Variants in FBXO22 observed in about 807,000 individuals in gnomAD.
The protein encoded by FBXO22 is F-box protein 22.
FBXO22 carries 13 observed loss-of-function variants against 37.2 expected under a neutral mutation model. That is an observed-to-expected ratio of 0.35 (90% confidence interval 0.23 to 0.56). The LOEUF is 0.56. Among genes scored for constraint, FBXO22 ranks in the 20% least tolerant of loss-of-function variants. The pLI, the probability that FBXO22 is intolerant of heterozygous loss-of-function variation, is 0.87. For missense variants in FBXO22, 446 were observed against 509.9 expected (o/e 0.87, Z 1.21); for synonymous variants, 189 against 189.1 (o/e 1.00, Z 0.00).
At chr15:75,921,789 G>T (rs1316580989) in intron 5 of FBXO22, among the ~76,000 whole-genome samples, 4 of 148,460 alleles carry the variant, frequency 2.7e-5, no homozygotes, top group Non-Finnish European at 4.5e-5. Flanking sequence ...TAAGCTTTTT[G>T]TTAAAAACTA....
At chr15:75,904,424 T>C (rs949616776) in intron 1 of FBXO22, 67 bp from the exon 2 acceptor site, 1 of 1,604,858 alleles carries the variant, frequency 6.2e-7, no homozygotes, top group Non-Finnish European at 8.5e-7. Context: ...CGGGTGGGGG[T>C]TTGTGAGCTG....
intron 6 of FBXO22, chr15:75,930,267 C>T: frequency 2.1e-6 from 3 of 1,414,728 alleles, no homozygotes; most frequent in Non-Finnish European, 2.8e-6. Flanking sequence ...TCAAGAACTT[C>T]CTTGAGTCAC....
chr15:75,934,431 T>TAC lies in FBXO22; in HGVS notation c.*1329_*1330insAC. The stretch of plus-strand genomic sequence containing the variant: ...CAGTATGATGTAACTAATGTTACTT[T>TAC]TGTAACAGTCAGTGGTTTGTTCTAA... On this transcript the variant is annotated 3_prime_UTR_variant, in exon 7 of 7. Coordinates refer to ENST00000308275, the MANE Select transcript of FBXO22 (RefSeq NM_147188.3). 1 of 152,260 alleles carries TAC rather than the reference T, an allele frequency of 6.6e-6. No individual in the cohort carries two copies. The highest frequency in any genetic ancestry group is 2.4e-5 in the African/African-American group (1 of 41,472). 9.4% of individuals were successfully genotyped at this position (152,260 alleles called of 1,614,324 possible).
rs758176962 is a variant in FBXO22, at chr15:75,933,398, T to C, written c.*296T>C. On this transcript the variant is annotated 3_prime_UTR_variant, in exon 7 of 7. Transcript: ENST00000308275. Reference sequence around the variant, plus strand: ...GTAACATGACCTTAAATAGTCTTCCTGCATAGGAAGAGCAAAAGGGTATTC... The same window carrying C: ...GTAACATGACCTTAAATAGTCTTCCCGCATAGGAAGAGCAAAAGGGTATTC... 2.9e-5 allele frequency: 9 copies of C among 312,756 alleles called. No homozygotes were observed. The highest frequency in any genetic ancestry group is 9.7e-5 in the Admixed American group (2 of 20,670). 19.4% of individuals were successfully genotyped at this position (312,756 alleles called of 1,614,324 possible).
intron 4 of FBXO22, among the ~76,000 whole-genome samples, 155 bp from the exon 5 acceptor site, chr15:75,917,075 G>A (rs1344365198): frequency 6.6e-6 from 1 of 152,048 alleles, no homozygotes; most frequent in Non-Finnish European, 1.5e-5. Flanking sequence ...AAGTTAAATG[G>A]CAAACATCAT....
rs367802766 is a variant in FBXO22 at position 75,933,313 on chromosome 15, T to C, written c.*211T>C. 2.0e-6 allele frequency: 1 copy of C among 511,756 alleles called. No individual in the cohort carries two copies. Among genetic ancestry groups the C allele is most frequent in the Non-Finnish European group, 3.4e-6 (1 of 290,454 alleles). The allele number at this position is 511,756 out of a possible 1,614,324, so 31.7% of individuals were successfully genotyped here. On this transcript the variant is annotated 3_prime_UTR_variant, in exon 7 of 7. Transcript: ENST00000308275. ...AACACTGACTAGGAGTTGAGAGCTT[T>C]TGCATCAGGCAGAAGCAAACTGATT... is the stretch of plus-strand genomic sequence containing the variant.
intron 2 of FBXO22, among the ~76,000 whole-genome samples, chr15:75,910,633 A>T (rs1189867533): frequency 6.6e-6 from 1 of 151,968 alleles, no homozygotes; most frequent in South Asian, 2.1e-4. Flanking sequence ...CTTCAAATTT[A>T]TTTAAGTTCC....
At chr15:75,918,851 G>C (rs973122920) in intron 5 of FBXO22, among the ~76,000 whole-genome samples, 3 of 152,192 alleles carry the variant, frequency 2.0e-5, no homozygotes, top group Non-Finnish European at 4.4e-5. Flanking sequence ...GTGGTTGGGA[G>C]GGGCTTTGGG....
chr15:75,909,146 A>G (rs184509585), intron 2 of FBXO22, among the ~76,000 whole-genome samples: 25 of 152,334 alleles, frequency 1.6e-4, no homozygotes, highest in Admixed American at 1.4e-3. Context: ...CTTGTCTTCA[A>G]TTGGAAAGTT....
chr15:75,904,833 T>TTC, intron 2 of FBXO22, among the ~76,000 whole-genome samples: 1 of 148,624 alleles, frequency 6.7e-6, no homozygotes, highest in African/African-American at 2.5e-5. Context: ...GGCCTTTTTT[T>TTC]TTTTTTTTGA....
In FBXO22 at chr15:75,917,257, G is replaced by A. The variant is rs766823327; in HGVS notation, c.491G>A (p.Arg164Gln). Residue 164 changes from arginine to glutamine, a missense_variant, in exon 5 of 7, where the codon CGA (arginine) becomes CAA (glutamine). Arg to Gln is a conservative substitution (Grantham distance 43, BLOSUM62 1). Around this residue, in one of 2 missense-constraint regions of FBXO22, gnomAD observed 315 missense variants for 410.1 expected, o/e 0.77. Coordinates refer to ENST00000308275, the MANE Select transcript of FBXO22 (RefSeq NM_147188.3). ...ACTCCAATGGGATCAGGTAGCAATC[G>A]ACCTCAGGAAATAGAAATTGGAGAA... is the stretch of plus-strand genomic sequence containing the variant. ...VVTPMGSGSNRPQEIEIGESG... is the reference protein window; with the variant it reads ...VVTPMGSGSNQPQEIEIGESG... 3.7e-6 allele frequency: 6 copies of A among 1,612,126 alleles called. No homozygotes were observed. The African/African-American group carries it at 5.4e-5, about 14-fold the overall frequency.
intron 5 of FBXO22, among the ~76,000 whole-genome samples, chr15:75,928,802 A>G (rs2029900531): frequency 6.6e-6 from 1 of 152,226 alleles, no homozygotes. Context: ...AGCTGTGGGC[A>G]GAGCAAGTAG....
chr15:75,904,043 C>A lies in FBXO22; in HGVS notation c.80C>A (p.Ala27Glu), dbSNP rs1411793186. 2 of 1,565,898 alleles carry A rather than the reference C, an allele frequency of 1.3e-6. No individual in the cohort carries two copies. The highest frequency in any genetic ancestry group is 1.9e-5 in the Admixed American group (1 of 52,626). ...PRSTFVLSNL[A>E]EVVERVLTFL... is the part of the protein sequence containing the mutation. ...AGCACCTTCGTGTTGAGTAACCTGG[C>A]GGAGGTGGTGGAGCGTGTGCTCACC... The change falls in exon 1 of 7, where the codon GCG becomes GAG. Residue 27 changes from alanine to glutamate, a missense_variant. By Grantham distance (107) the Ala-to-Glu change is moderately radical (BLOSUM62 -1). Around this residue, in one of 2 missense-constraint regions of FBXO22, gnomAD observed 131 missense variants for 99.8 expected, o/e 1.31. Coordinates refer to ENST00000308275, the MANE Select transcript of FBXO22 (RefSeq NM_147188.3).
Position 75,932,846 on chromosome 15 carries a change from C to A in FBXO22, c.956C>A (p.Thr319Asn), listed in dbSNP as rs750714799. The part of the protein sequence containing the change: ...LKAANIPEHN[T>N]IGFMFACVGR... ...GCGGCCAACATTCCAGAGCATAACA[C>A]CATTGGCTTCATGTTTGCATGCGTT... The change falls in exon 7 of 7, where the codon ACC (threonine) becomes AAC (asparagine). Residue 319 changes from threonine to asparagine, a missense_variant. Transcript: ENST00000308275. 6 of 1,614,136 alleles carry A rather than the reference C, an allele frequency of 3.7e-6. No individual in the cohort carries two copies.
chr15:75,933,046 C>T lies in FBXO22; in HGVS notation c.1156C>T (p.Leu386=). The change falls in exon 7 of 7, where the codon CTG becomes TTG. Residue 386 remains leucine, a synonymous_variant. Coordinates refer to ENST00000308275, the MANE Select transcript of FBXO22 (RefSeq NM_147188.3). ...RKCNEVKDDD[L]FHSYTTIMAL... ...ATGTAATGAGGTAAAAGATGATGAT[C>T]TGTTTCATAGCTATACAACAATAAT... 1 of 1,614,122 alleles carries T rather than the reference C, an allele frequency of 6.2e-7. No homozygotes were observed. Among genetic ancestry groups the T allele is most frequent in the Non-Finnish European group, 8.5e-7 (1 of 1,180,006 alleles).
intron 4 of FBXO22, among the ~76,000 whole-genome samples, chr15:75,914,921 G>A (rs1017270220): frequency 6.6e-6 from 1 of 152,188 alleles, no homozygotes; most frequent in Non-Finnish European, 1.5e-5. Flanking sequence ...CACTTGTAAA[G>A]CATTTACAAT....
In FBXO22 at chr15:75,904,542, G is replaced by A. The variant is rs772459909; in HGVS notation, c.192G>A (p.Arg64=). 15 of 1,614,010 alleles carry A rather than the reference G, an allele frequency of 9.3e-6. No individual in the cohort carries two copies. The highest frequency in any genetic ancestry group is 1.3e-5 in the Non-Finnish European group (15 of 1,179,912). The change falls in exon 2 of 7, where the codon CGG becomes CGA. Residue 64 remains arginine, a synonymous_variant. Transcript: ENST00000308275. ...TGCGCAGAGTATTGCGGACCCATCGGAGCGTAACCTGGATCTCCGCAGGCC... is the reference window on the plus strand; with the variant it reads ...TGCGCAGAGTATTGCGGACCCATCGAAGCGTAACCTGGATCTCCGCAGGCC... The part of the protein sequence containing the change: ...ECVRRVLRTH[R]SVTWISAGLA...
At chr15:75,929,783 T>G in intron 5 of FBXO22, 101 bp from the exon 6 acceptor site, 1 of 1,434,706 alleles carries the variant, frequency 7.0e-7, no homozygotes, top group Non-Finnish European at 9.6e-7. Flanking sequence ...TAAATTGCCC[T>G]TAAGGTGGAG....
chr15:75,903,949 G>C lies in FBXO22; in HGVS notation c.-15G>C. 9 of 1,535,148 alleles carry C rather than the reference G, an allele frequency of 5.9e-6. No homozygotes were observed. The highest frequency in any genetic ancestry group is 7.0e-6 in the Non-Finnish European group (8 of 1,136,888). On this transcript the variant is annotated 5_prime_UTR_variant, in exon 1 of 7. Transcript: ENST00000308275. Reference sequence around the variant, plus strand: ...CCGAGCCGCCGTAGGACTGGTTCCGGCGGGCTGGTGAGGAATGGAGCCGGT... The same window carrying C: ...CCGAGCCGCCGTAGGACTGGTTCCGCCGGGCTGGTGAGGAATGGAGCCGGT...
Sources: allele counts gnomAD v4.1 joint callset (sites outside exome capture counted in the v4.1 genomes callset), GRCh38; gene constraint gnomAD v4.1.1; regional missense constraint gnomAD v4.1.1; transcripts MANE v1.5; gene names NCBI Gene and HGNC (gene_info 2026-07-23, HGNC 2026-07-21).